Variants in GREB1L observed in about 807,000 individuals in gnomAD.
The protein encoded by GREB1L is GREB1-like protein.
GREB1L carries 17 observed loss-of-function variants against 200.8 expected under a neutral mutation model. That is an observed-to-expected ratio of 0.08 (90% CI 0.06 to 0.13). GREB1L has a LOEUF of 0.13. Among genes scored for constraint, GREB1L ranks in the 10% least tolerant of loss-of-function variants. GREB1L has a pLI of 1.00. For synonymous variants in GREB1L, 789 were observed against 893.0 expected (o/e 0.88, Z 2.08); for missense variants, 1,657 against 2,367.7 (o/e 0.70, Z 6.23).
In GREB1L at chr18:21,516,674, C is replaced by T. The variant is rs2037428462; in HGVS notation, c.5191C>T (p.Arg1731Cys). 3 of 1,551,276 alleles carry T rather than the reference C, an allele frequency of 1.9e-6. No homozygotes were observed. Among genetic ancestry groups the T allele is most frequent in the Non-Finnish European group, 1.7e-6 (2 of 1,146,684 alleles). ...AAACAGTAGTGGCCTGCTCATCTGC[C>T]GCTTTAATAACTTCAGTCTCATGAA... The part of the protein sequence containing the change: ...RTNSSGLLIC[R>C]FNNFSLMKKH... The change falls in exon 30 of 33, where the codon CGC (arginine) becomes TGC (cysteine). Residue 1731 changes from arginine to cysteine, a missense_variant. By Grantham distance (180) the Arg-to-Cys change is radical (BLOSUM62 -3). This residue lies in a region of GREB1L where 151 missense variants were observed against 309.6 expected (regional missense o/e 0.49). Transcript: ENST00000424526.
At chr18:21,430,856 A>C (rs2033093082) in intron 7 of GREB1L, among the ~76,000 whole-genome samples, 1 of 151,356 alleles carries the variant, frequency 6.6e-6, no homozygotes, top group African/African-American at 2.4e-5. Flanking sequence ...TCGGCCTCCC[A>C]AAGTGCTGGG....
At chr18:21,388,833 AC>A (rs1314047447) in intron 4 of GREB1L, among the ~76,000 whole-genome samples, 1 of 149,134 alleles carries the variant, frequency 6.7e-6, no homozygotes, top group African/African-American at 2.5e-5. Context: ...ATTGTAGGAG[AC>A]CCCCCTATTG....
At chr18:21,459,927 C>A (rs1952373236) in intron 15 of GREB1L, among the ~76,000 whole-genome samples, 1 of 152,094 alleles carries the variant, frequency 6.6e-6, no homozygotes, top group Non-Finnish European at 1.5e-5. Flanking sequence ...CTCTCAGTAC[C>A]TTCCGTTCTC....
rs75925491 is a variant in GREB1L at position 21,336,340 on chromosome 18, C to T, written c.-119-29687C>T. Among the ~76,000 whole-genome samples the T allele has an allele frequency of 3.7e-4, 57 of 152,334 alleles. 1 individual carries two copies. The East Asian group carries it at 0.011, about 28-fold the overall frequency. On this transcript the variant is annotated intron_variant, in intron 1 of 32. Transcript: ENST00000424526. The stretch of plus-strand genomic sequence containing the variant: ...TTCTCTTCTGTTGAAAGTTCACATG[C>T]TCCCTTTGCTGTGCTTGGCCATGTG...
intron 1 of GREB1L, among the ~76,000 whole-genome samples, chr18:21,295,134 T>C (rs1436557708): frequency 6.6e-6 from 1 of 152,236 alleles, no homozygotes; most frequent in African/African-American, 2.4e-5. Context: ...TTTTTCTGTA[T>C]AGTTATGGCA....
At chr18:21,415,512 GGGAAGGAAGGACACAA>G (rs1357684910) in intron 7 of GREB1L, among the ~76,000 whole-genome samples, 1 of 151,970 alleles carries the variant, frequency 6.6e-6, no homozygotes, top group Non-Finnish European at 1.5e-5. Context: ...AAGGGAGGGA[GGGAAGGAAGGACACAA>G]GGAAGGAAGG....
At chr18:21,289,543 C>A (rs201922313) in intron 1 of GREB1L, among the ~76,000 whole-genome samples, 1 of 151,124 alleles carries the variant, frequency 6.6e-6, no homozygotes, top group African/African-American at 2.4e-5. Flanking sequence ...ACCATCCCCC[C>A]CCGCAAAAAA....
At chr18:21,516,877 G>GTT (rs11413472) in intron 30 of GREB1L, 123 bp downstream of exon 30, 58,132 of 486,570 alleles carry the variant, frequency 0.12, 20 homozygotes, top group Non-Finnish European at 0.14. Context: ...ACACAAGGGA[G>GTT]TTTTTTTTTT....
In GREB1L at chr18:21,457,186, A is replaced by G. The variant is rs542181014; in HGVS notation, c.2182+2623A>G. Among the ~76,000 whole-genome samples, 36 of 152,230 alleles carry G rather than the reference A, an allele frequency of 2.4e-4. No homozygotes were observed. The South Asian group carries it at 7.0e-3, about 30-fold the overall frequency. ...GCAGGTTTTTTCCTTTCTCTTCTCAATGCCCTCAGATTTTTCTAAAGTGTT... is the reference window on the plus strand; with the variant it reads ...GCAGGTTTTTTCCTTTCTCTTCTCAGTGCCCTCAGATTTTTCTAAAGTGTT... On this transcript the variant is annotated intron_variant, in intron 15 of 32. Coordinates refer to ENST00000424526, the MANE Select transcript of GREB1L (RefSeq NM_001142966.3).
intron 7 of GREB1L, among the ~76,000 whole-genome samples, chr18:21,422,681 C>T (rs1391087441): frequency 1.3e-5 from 2 of 152,128 alleles, no homozygotes; most frequent in Non-Finnish European, 2.9e-5. Flanking sequence ...ATTTATTTAA[C>T]CTGCTCCCTA....
In GREB1L at chr18:21,490,268, G is replaced by A; in HGVS notation, c.2947G>A (p.Gly983Ser). 1 of 1,551,728 alleles carries A rather than the reference G, an allele frequency of 6.4e-7. No homozygotes were observed. Among genetic ancestry groups the A allele is most frequent in the Non-Finnish European group, 8.7e-7 (1 of 1,147,024 alleles). Residue 983 changes from glycine to serine, a missense_variant, in exon 19 of 33, where the codon GGT becomes AGT. Around this residue, in one of 9 missense-constraint regions of GREB1L, gnomAD observed 512 missense variants for 668.3 expected, o/e 0.77. Transcript: ENST00000424526. ...ERLQEVRDKLGLQYRFEIILG... is the reference protein window; with the variant it reads ...ERLQEVRDKLSLQYRFEIILG... ...GCTACAGGAGGTGCGCGACAAACTG[G>A]GTCTGCAGTATCGGTTTGAGATCAT...
At chr18:21,393,213 T>C (rs1053325704) in intron 4 of GREB1L, among the ~76,000 whole-genome samples, 5 of 152,226 alleles carry the variant, frequency 3.3e-5, no homozygotes, top group African/African-American at 1.2e-4. Context: ...CTACTTTGTA[T>C]TGGGCAATGA....
At chr18:21,458,484 AC>A (rs1460621705) in intron 15 of GREB1L, among the ~76,000 whole-genome samples, 5 of 152,182 alleles carry the variant, frequency 3.3e-5, no homozygotes, top group Non-Finnish European at 7.3e-5. Context: ...CAGGAAAAGC[AC>A]CCAGGCAGGG....
intron 15 of GREB1L, among the ~76,000 whole-genome samples, chr18:21,461,542 T>C (rs2035048011): frequency 6.6e-6 from 1 of 152,160 alleles, no homozygotes; most frequent in African/African-American, 2.4e-5. Context: ...TTTTCGGTCC[T>C]TATTTGAGCT....
At chr18:21,309,892 C>G (rs148776649) in intron 1 of GREB1L, among the ~76,000 whole-genome samples, 88 of 152,222 alleles carry the variant, frequency 5.8e-4, no homozygotes, top group African/African-American at 2.1e-3. Context: ...ATGCACAAAA[C>G]AGCCCCCCAT....
chr18:21,253,560 A>AT (rs1242665761), intron 1 of GREB1L, among the ~76,000 whole-genome samples: 1 of 151,946 alleles, frequency 6.6e-6, no homozygotes, highest in East Asian at 1.9e-4. Flanking sequence ...TATTTCAAGG[A>AT]TTTTTTCTCA....
chr18:21,488,801 C>T (rs547585342), intron 18 of GREB1L, among the ~76,000 whole-genome samples: 12 of 152,166 alleles, frequency 7.9e-5, no homozygotes, highest in African/African-American at 1.4e-4. Flanking sequence ...GGATTACAGG[C>T]GCCCGCCACC....
chr18:21,353,195 GAAGA>G lies in GREB1L; in HGVS notation c.-119-12825_-119-12822del, dbSNP rs1445443769. Among the ~76,000 whole-genome samples the G allele has an allele frequency of 2.7e-5, 4 of 150,168 alleles. No homozygotes were observed. The South Asian group carries it at 6.3e-4, about 24-fold the overall frequency. ...AGACTCTGTCTCAAAAAAAAAAAAA[GAAGA>G]AAGAAATGGGACCATATTGCTTTTA... On this transcript the variant is annotated intron_variant, in intron 1 of 32. Transcript: ENST00000424526.
At chr18:21,461,244 C>T (rs186971133) in intron 15 of GREB1L, among the ~76,000 whole-genome samples, 1 of 152,146 alleles carries the variant, frequency 6.6e-6, no homozygotes, top group Admixed American at 6.6e-5. Flanking sequence ...CGCCTCACCC[C>T]AGATAGAGTT....
Sources: gnomAD v4.1 joint callset for allele counts (sites outside exome capture counted in the v4.1 genomes callset) on GRCh38, gnomAD v4.1.1 for gene constraint, gnomAD v4.1.1 regional missense constraint, MANE v1.5 for transcripts, NCBI Gene and HGNC (gene_info 2026-07-23, HGNC 2026-07-21) for gene names.